Variants in TRIM33 observed in about 807,000 individuals in gnomAD.
TRIM33 encodes tripartite motif containing 33.
In TRIM33, 20 loss-of-function variants were observed where a neutral mutation model predicts 125.4. The observed-to-expected ratio is 0.16, with a 90% CI of 0.11 to 0.23. TRIM33 has a LOEUF of 0.23. Ranked by LOEUF, TRIM33 falls within the 10% of genes least tolerant of loss-of-function variation. The pLI is 1.00. For synonymous variants in TRIM33, 564 were observed against 513.9 expected, an observed-to-expected ratio of 1.10 and a Z score of -1.32; for missense variants, 920 against 1,411.4, an observed-to-expected ratio of 0.65 and a Z score of 5.58.
At chr1:114,472,901 A>T (rs905440259) in intron 1 of TRIM33, among the ~76,000 whole-genome samples, 1 of 152,182 alleles carries the variant, frequency 6.6e-6, no homozygotes, top group Non-Finnish European at 1.5e-5. Context: ...ACATGGGAAC[A>T]ATATGATTAA....
At chr1:114,466,007 C>T (rs1188197209) in intron 1 of TRIM33, among the ~76,000 whole-genome samples, 1 of 151,418 alleles carries the variant, frequency 6.6e-6, no homozygotes, top group Non-Finnish European at 1.5e-5. Context: ...CGCGCCACTG[C>T]ACTCCAGCTT....
intron 6 of TRIM33, 71 bp downstream of exon 6, chr1:114,430,727 T>C: frequency 1.2e-6 from 1 of 858,790 alleles, no homozygotes; most frequent in Non-Finnish European, 2.0e-6. Flanking sequence ...TAAAATAGTT[T>C]TCAATAAACA....
At chr1:114,437,973 G>GT (rs1446061032) in intron 4 of TRIM33, among the ~76,000 whole-genome samples, 1 of 152,166 alleles carries the variant, frequency 6.6e-6, no homozygotes, top group Non-Finnish European at 1.5e-5. Context: ...GCCCACACCT[G>GT]TAAGTCCCAG....
intron 11 of TRIM33, among the ~76,000 whole-genome samples, chr1:114,418,476 G>A (rs927881201): frequency 2.1e-4 from 32 of 152,108 alleles, no homozygotes; most frequent in Non-Finnish European, 4.7e-4. Context: ...GAGACAAGCT[G>A]ACTTTGGGAG....
intron 4 of TRIM33, among the ~76,000 whole-genome samples, chr1:114,444,244 A>C (rs1322790639): frequency 6.6e-6 from 1 of 152,152 alleles, no homozygotes; most frequent in East Asian, 1.9e-4. Context: ...GATAGAGGGA[A>C]GAGAAGATAT....
chr1:114,439,035 T>C (rs1338770606), intron 4 of TRIM33, among the ~76,000 whole-genome samples: 2 of 152,150 alleles, frequency 1.3e-5, no homozygotes, highest in African/African-American at 4.8e-5. Context: ...CTCACATAAA[T>C]AGAACAGGGA....
chr1:114,418,213 T>C (rs1653055716), intron 11 of TRIM33, among the ~76,000 whole-genome samples: 1 of 152,126 alleles, frequency 6.6e-6, no homozygotes, highest in Admixed American at 6.5e-5. Flanking sequence ...ACTGCCACTT[T>C]AAAAACCATC....
chr1:114,441,682 T>A (rs957832151), intron 4 of TRIM33, among the ~76,000 whole-genome samples: 11 of 152,226 alleles, frequency 7.2e-5, no homozygotes, highest in Admixed American at 2.6e-4. Context: ...ATTTTGCCAT[T>A]TAATAAAATT....
At chr1:114,485,195 A>G (rs1446638954) in intron 1 of TRIM33, among the ~76,000 whole-genome samples, 2 of 152,186 alleles carry the variant, frequency 1.3e-5, no homozygotes, top group Non-Finnish European at 2.9e-5. Flanking sequence ...TCACGACTAT[A>G]ATCTGTAAAA....
chr1:114,482,865 A>C (rs929815654), intron 1 of TRIM33, among the ~76,000 whole-genome samples: 4 of 152,190 alleles, frequency 2.6e-5, no homozygotes, highest in Non-Finnish European at 2.9e-5. Context: ...GCCTCCCCAG[A>C]AGCAGAAGCC....
At chr1:114,408,319 T>A (rs774783055) in intron 13 of TRIM33, among the ~76,000 whole-genome samples, 4 of 152,028 alleles carry the variant, frequency 2.6e-5, no homozygotes, top group Non-Finnish European at 4.4e-5. Context: ...TTCAAAGGCA[T>A]TTGTTGCAAA....
rs1256062722 is a variant in TRIM33 at position 114,506,227 on chromosome 1, C to CA, written c.526+4323dup. On this transcript the variant is annotated intron_variant, in intron 1 of 19. Coordinates refer to ENST00000358465, the MANE Select transcript of TRIM33 (RefSeq NM_015906.4). ...CAAGACCCTGTCTCTACTAAAAATA[C>CA]AAAAAATTAGGTGGGCATGGTGGCG... 3.3e-5 allele frequency among the ~76,000 whole-genome samples: 5 copies of CA among 151,860 alleles called. No homozygotes were observed. In the South Asian group the frequency reaches 8.3e-4, roughly 25 times the overall value.
At chr1:114,414,023 A>ACAGG (rs1652765453) in intron 11 of TRIM33, among the ~76,000 whole-genome samples, 1 of 121,574 alleles carries the variant, frequency 8.2e-6, no homozygotes, top group Non-Finnish European at 1.8e-5. Flanking sequence ...AAAATAAATC[A>ACAGG]CAGGCACACA....
intron 1 of TRIM33, among the ~76,000 whole-genome samples, chr1:114,467,773 G>A (rs747460076): frequency 1.3e-5 from 2 of 152,162 alleles, no homozygotes; most frequent in Non-Finnish European, 2.9e-5. Context: ...TGCGCTTAAA[G>A]TCAGCTGACT....
intron 18 of TRIM33, among the ~76,000 whole-genome samples, chr1:114,398,898 C>CAAAAAA (rs372853872): frequency 8.2e-5 from 5 of 60,736 alleles, no homozygotes; most frequent in East Asian, 6.7e-4. Flanking sequence ...AACTTACCCT[C>CAAAAAA]AAAAAAAAAA....
At chr1:114,474,004 T>C (rs191339508) in intron 1 of TRIM33, among the ~76,000 whole-genome samples, 207 of 152,128 alleles carry the variant, frequency 1.4e-3, no homozygotes, top group African/African-American at 4.8e-3. Flanking sequence ...GCTTAAGCAG[T>C]CCTCCTGCAT....
At chr1:114,413,776 C>T (rs930032666) in intron 11 of TRIM33, among the ~76,000 whole-genome samples, 7 of 151,786 alleles carry the variant, frequency 4.6e-5, no homozygotes, top group East Asian at 3.9e-4. Flanking sequence ...ACAACACTTT[C>T]GGATACCAAG....
Position 114,443,971 on chromosome 1 carries a change from A to G in TRIM33, c.924-10238T>C, listed in dbSNP as rs961097023. On this transcript the variant is annotated intron_variant, in intron 4 of 19. Transcript: ENST00000358465. ...AGACTAGCCCTTGTCACCAAAAACT[A>G]TAAAAGAAGACAGAAATACATGAGG... 3.7e-4 allele frequency among the ~76,000 whole-genome samples: 57 copies of G among 152,218 alleles called. 1 individual carries two copies. Among genetic ancestry groups the G allele is most frequent in the Non-Finnish European group, 8.8e-5 (6 of 68,026 alleles).
chr1:114,466,685 C>T (rs758151518), intron 1 of TRIM33, among the ~76,000 whole-genome samples: 8 of 152,200 alleles, frequency 5.3e-5, no homozygotes, highest in Admixed American at 5.2e-4. Context: ...CACATTGTTG[C>T]TGGGGACATC....
Sources: allele counts gnomAD v4.1 joint callset (sites outside exome capture counted in the v4.1 genomes callset), GRCh38; gene constraint gnomAD v4.1.1; transcripts MANE v1.5; gene names NCBI Gene and HGNC (gene_info 2026-07-23, HGNC 2026-07-21).